Variants in INPP4B observed in about 807,000 individuals in gnomAD.
INPP4B encodes inositol polyphosphate-4-phosphatase type II B, also known as inositol polyphosphate 4-phosphatase type II.
A neutral mutation model predicts 122.5 loss-of-function variants in INPP4B; 55 were observed. That is an observed-to-expected ratio of 0.45 (90% CI 0.36 to 0.56). The LOEUF (loss-of-function observed/expected upper bound fraction) is 0.56. INPP4B is among the 20% of genes least tolerant of loss of function. The pLI, the probability that INPP4B is intolerant of heterozygous loss-of-function variation, is 0.00. For synonymous variants in INPP4B, 403 were observed against 388.7 expected (o/e 1.04, Z -0.43); for missense variants, 1,000 against 1,097.7 (o/e 0.91, Z 1.26).
At chr4:142,504,724 G>C (rs562769411) in intron 2 of INPP4B, among the ~76,000 whole-genome samples, 58 of 152,000 alleles carry the variant, frequency 3.8e-4, no homozygotes. Context: ...CTATATTGTT[G>C]AATCAGAAAA....
intron 2 of INPP4B, among the ~76,000 whole-genome samples, chr4:142,578,031 T>C (rs1456623238): frequency 2.0e-5 from 3 of 151,928 alleles, no homozygotes; most frequent in Non-Finnish European, 2.9e-5. Flanking sequence ...AAGTCACAGG[T>C]TCTACTCACA....
intron 23 of INPP4B, among the ~76,000 whole-genome samples, chr4:142,089,914 AGAG>A (rs1476834437): frequency 2.0e-5 from 3 of 152,194 alleles, no homozygotes; most frequent in African/African-American, 7.2e-5. Flanking sequence ...GTTCATAGTC[AGAG>A]GAGGAGTCAA....
chr4:142,179,244 G>A (rs1315790960), intron 15 of INPP4B, among the ~76,000 whole-genome samples: 1 of 151,980 alleles, frequency 6.6e-6, no homozygotes, highest in Non-Finnish European at 1.5e-5. Context: ...AGGCCGAGGT[G>A]GGCAGCTTGC....
intron 2 of INPP4B, among the ~76,000 whole-genome samples, chr4:142,639,798 T>C (rs964343064): frequency 3.4e-4 from 52 of 152,104 alleles, no homozygotes; most frequent in African/African-American, 1.1e-3. Flanking sequence ...ATTATTAGCA[T>C]TGTGACAGAA....
intron 21 of INPP4B, 130 bp downstream of exon 21, chr4:142,121,998 C>T (rs1796738497): frequency 1.6e-6 from 1 of 637,328 alleles, no homozygotes; most frequent in African/African-American, 1.9e-5. Flanking sequence ...GTATTTCTTA[C>T]CAAAAAGGAA....
chr4:142,686,357 C>T (rs1254888935), intron 2 of INPP4B, among the ~76,000 whole-genome samples: 1 of 152,038 alleles, frequency 6.6e-6, no homozygotes, highest in Non-Finnish European at 1.5e-5. Flanking sequence ...TATATGGTGG[C>T]ATGTTGGGTC....
At position 142,025,714 on chromosome 4, in the gene INPP4B, C is replaced by T. The variant is rs866830928; in HGVS notation, c.*3068G>A. 2.0e-5 allele frequency: 3 copies of T among 152,148 alleles called. No individual in the cohort carries two copies. The highest frequency in any genetic ancestry group is 7.2e-5 in the African/African-American group (3 of 41,440). The allele number at this position is 152,148 out of a possible 1,614,324, so 9.4% of individuals were successfully genotyped here. ...TCCATCCAAATGCTAGCTTTTAAGC[C>T]TTCAGAGTTTTTCAGAAGAGGGGTT... On this transcript the variant is annotated 3_prime_UTR_variant, in exon 26 of 26. Transcript: ENST00000262992.
chr4:142,156,581 AC>A, intron 17 of INPP4B, among the ~76,000 whole-genome samples: 1 of 152,126 alleles, frequency 6.6e-6, no homozygotes, highest in Non-Finnish European at 1.5e-5. Context: ...AGGAAAATAA[AC>A]CCTTAAAGCA....
intron 18 of INPP4B, among the ~76,000 whole-genome samples, chr4:142,135,017 T>C (rs538666503): frequency 1.3e-5 from 2 of 152,318 alleles, no homozygotes; most frequent in African/African-American, 4.8e-5. Context: ...TTGTTATAAC[T>C]ATTAAAACCA....
chr4:142,436,206 C>T (rs1810477538), intron 3 of INPP4B, among the ~76,000 whole-genome samples: 1 of 152,198 alleles, frequency 6.6e-6, no homozygotes, highest in African/African-American at 2.4e-5. Flanking sequence ...GGCCTCCCTA[C>T]AGGAACTCCA....
intron 25 of INPP4B, among the ~76,000 whole-genome samples, chr4:142,075,943 C>A (rs770593068): frequency 2.6e-4 from 40 of 152,042 alleles, no homozygotes; most frequent in Non-Finnish European, 4.9e-4. Flanking sequence ...CAATTAGATT[C>A]ATTTCCATTG....
intron 5 of INPP4B, among the ~76,000 whole-genome samples, chr4:142,415,830 A>T (rs1805616115): frequency 1.3e-5 from 2 of 152,196 alleles, no homozygotes; most frequent in Admixed American, 6.5e-5. Context: ...GCCATAAAAA[A>T]TGATGAGTTC....
intron 7 of INPP4B, among the ~76,000 whole-genome samples, chr4:142,352,873 C>T (rs183168564): frequency 6.6e-6 from 1 of 151,904 alleles, no homozygotes. Flanking sequence ...TCACATGCTA[C>T]GTTATCCATG....
At chr4:142,467,222 C>T (rs1393042717) in intron 2 of INPP4B, among the ~76,000 whole-genome samples, 1 of 152,206 alleles carries the variant, frequency 6.6e-6, no homozygotes, top group Non-Finnish European at 1.5e-5. Flanking sequence ...CAGTAGATTG[C>T]AGCTTAAGCG....
chr4:142,239,446 T>C (rs1858201061), intron 11 of INPP4B, among the ~76,000 whole-genome samples: 1 of 152,176 alleles, frequency 6.6e-6, no homozygotes, highest in African/African-American at 2.4e-5. Flanking sequence ...ATCTTTTGAA[T>C]ATAAGCACAA....
chr4:142,781,396 C>T (rs1774797554), intron 1 of INPP4B, among the ~76,000 whole-genome samples: 1 of 152,210 alleles, frequency 6.6e-6, no homozygotes, highest in South Asian at 2.1e-4. Flanking sequence ...CAGGCTCTCA[C>T]TCCTTAAAGA....
chr4:142,461,362 T>C (rs1816695591), intron 3 of INPP4B, among the ~76,000 whole-genome samples: 1 of 152,212 alleles, frequency 6.6e-6, no homozygotes, highest in Middle Eastern at 3.2e-3. Flanking sequence ...TTAACTGAGA[T>C]GCAAACAGCA....
chr4:142,733,328 T>C (rs1176871914), intron 1 of INPP4B, among the ~76,000 whole-genome samples: 1 of 152,084 alleles, frequency 6.6e-6, no homozygotes, highest in Admixed American at 6.6e-5. Flanking sequence ...AAAACTTCTG[T>C]TTACCAAAAG....
At chr4:142,773,389 G>A (rs1271146543) in intron 1 of INPP4B, among the ~76,000 whole-genome samples, 1 of 152,068 alleles carries the variant, frequency 6.6e-6, no homozygotes, top group Non-Finnish European at 1.5e-5. Flanking sequence ...TACTTACCAT[G>A]TACTCATATT....
Sources: gnomAD v4.1 joint callset for allele counts (sites outside exome capture counted in the v4.1 genomes callset) on GRCh38, gnomAD v4.1.1 for gene constraint, MANE v1.5 for transcripts, NCBI Gene and HGNC (gene_info 2026-07-23, HGNC 2026-07-21) for gene names.